The following SORCS3 variants were observed in gnomAD, a reference collection of about 807,000 sequenced individuals.
SORCS3 encodes the protein sortilin related VPS10 domain containing receptor 3.
A neutral mutation model predicts 146.3 loss-of-function variants in SORCS3; 57 were observed. That is an observed-to-expected ratio of 0.39 (90% CI 0.31 to 0.49). The LOEUF (loss-of-function observed/expected upper bound fraction) is 0.49. Among genes scored for constraint, SORCS3 ranks in the 20% least tolerant of loss-of-function variants. The pLI is 0.92. For missense variants in SORCS3, 1,341 were observed against 1,575.5 expected, an observed-to-expected ratio of 0.85 and a Z score of 2.52; for synonymous variants, 653 against 618.5, an observed-to-expected ratio of 1.06 and a Z score of -0.83.
chr10:104,897,937 T>C (rs1174257792), intron 2 of SORCS3, among the ~76,000 whole-genome samples: 1 of 152,240 alleles, frequency 6.6e-6, no homozygotes, highest in Non-Finnish European at 1.5e-5. Context: ...TCCAGCTCAT[T>C]CATTCTAGTG....
chr10:104,860,904 A>G (rs1032344143), intron 2 of SORCS3, among the ~76,000 whole-genome samples: 2 of 152,110 alleles, frequency 1.3e-5, no homozygotes, highest in African/African-American at 4.8e-5. Flanking sequence ...CTTCAGTTGG[A>G]GGTTGTCACT....
intron 4 of SORCS3, among the ~76,000 whole-genome samples, chr10:104,981,485 C>T (rs2054931216): frequency 6.6e-6 from 1 of 152,194 alleles, no homozygotes; most frequent in African/African-American, 2.4e-5. Flanking sequence ...GTAGGATTCT[C>T]TTTTGTTTCC....
At chr10:105,177,952 T>A in intron 13 of SORCS3, 114 bp from the exon 14 acceptor site, 1 of 721,834 alleles carries the variant, frequency 1.4e-6, no homozygotes. Flanking sequence ...CTATTGATAA[T>A]CCACACTGCC....
chr10:105,114,281 A>G (rs1272113903), intron 7 of SORCS3, among the ~76,000 whole-genome samples: 9 of 152,148 alleles, frequency 5.9e-5, no homozygotes, highest in Non-Finnish European at 1.0e-4. Flanking sequence ...CAAGTCTTCA[A>G]AAATTTAAAA....
intron 1 of SORCS3, among the ~76,000 whole-genome samples, chr10:104,771,853 A>G (rs1390566824): frequency 6.6e-6 from 1 of 151,622 alleles, no homozygotes; most frequent in Non-Finnish European, 1.5e-5. Context: ...GAGTTGACCA[A>G]GGCTGACTCC....
chr10:104,642,022 G>GGCCC, intron 1 of SORCS3, 68 bp downstream of exon 1: 2 of 173,336 alleles, frequency 1.2e-5, no homozygotes, highest in South Asian at 4.4e-5. Context: ...GGGTGGGTGG[G>GGCCC]AGCGAGGGAC....
chr10:105,244,274 A>AAAT (rs2056853072), intron 20 of SORCS3, among the ~76,000 whole-genome samples: 1 of 150,544 alleles, frequency 6.6e-6, no homozygotes, highest in African/African-American at 2.4e-5. Flanking sequence ...AGGAAAAAAA[A>AAAT]ATATATATAT....
At chr10:104,704,968 A>C (rs2016319434) in intron 1 of SORCS3, among the ~76,000 whole-genome samples, 1 of 152,002 alleles carries the variant, frequency 6.6e-6, no homozygotes, top group South Asian at 2.1e-4. Flanking sequence ...CTCCTCCACC[A>C]CAAGTCTGGT....
At chr10:105,050,388 C>T (rs1265628628) in intron 5 of SORCS3, among the ~76,000 whole-genome samples, 1 of 152,076 alleles carries the variant, frequency 6.6e-6, no homozygotes, top group Non-Finnish European at 1.5e-5. Context: ...TTGCTCAAAG[C>T]AAGCTACCAT....
chr10:104,835,446 A>G (rs774187230), intron 1 of SORCS3, among the ~76,000 whole-genome samples: 1 of 152,180 alleles, frequency 6.6e-6, no homozygotes, highest in African/African-American at 2.4e-5. Context: ...AGAGAGCCCC[A>G]TGGATTTAAA....
At chr10:105,000,171 T>G (rs570039490) in intron 4 of SORCS3, among the ~76,000 whole-genome samples, 1 of 152,230 alleles carries the variant, frequency 6.6e-6, no homozygotes, top group South Asian at 2.1e-4. Context: ...ATATTTAGGG[T>G]ACAGAAGAAA....
chr10:105,091,281 T>C (rs1323192709), intron 6 of SORCS3, among the ~76,000 whole-genome samples: 2 of 87,488 alleles, frequency 2.3e-5, no homozygotes, highest in Admixed American at 2.2e-4. Context: ...CCTTCCTTCC[T>C]TGCTTCCTTC....
chr10:104,852,092 T>A (rs796273562), intron 2 of SORCS3, among the ~76,000 whole-genome samples: 1 of 152,204 alleles, frequency 6.6e-6, no homozygotes, highest in Non-Finnish European at 1.5e-5. Flanking sequence ...TGTAAAAGAT[T>A]CCCCCCTTCA....
At position 104,977,414 on chromosome 10, in the gene SORCS3, G is replaced by T; in HGVS notation, c.875G>T (p.Arg292Leu). The T allele has an allele frequency of 6.2e-7, 1 of 1,613,744 alleles. No homozygotes were observed. Among genetic ancestry groups the T allele is most frequent in the Non-Finnish European group, 8.5e-7 (1 of 1,179,864 alleles). ...SDEGATYQKY[R>L]LTFYIQSLLF... ...GAAGGGGCGACCTATCAGAAGTATC[G>T]GCTCACCTTCTATATCCAGAGCCTG... The change falls in exon 4 of 27, where the codon CGG becomes CTG. Residue 292 changes from arginine to leucine, a missense_variant. Coordinates refer to ENST00000369701, the MANE Select transcript of SORCS3 (RefSeq NM_014978.3).
At chr10:105,119,331 G>A (rs1421020184) in intron 7 of SORCS3, among the ~76,000 whole-genome samples, 1 of 152,206 alleles carries the variant, frequency 6.6e-6, no homozygotes, top group Non-Finnish European at 1.5e-5. Context: ...TGTCCAGGCA[G>A]AGTTGTGCTG....
chr10:104,882,514 G>A (rs2018641470), intron 2 of SORCS3, among the ~76,000 whole-genome samples: 1 of 152,090 alleles, frequency 6.6e-6, no homozygotes, highest in South Asian at 2.1e-4. Context: ...TTTGTGCTGG[G>A]GAAGGAGCAT....
intron 20 of SORCS3, 51 bp downstream of exon 20, chr10:105,223,300 A>G (rs1045797542): frequency 6.6e-7 from 1 of 1,522,462 alleles, no homozygotes; most frequent in South Asian, 1.3e-5. Flanking sequence ...GAATGCTCCT[A>G]TGTTCCAGCT....
chr10:104,894,637 C>A (rs1237106042), intron 2 of SORCS3, among the ~76,000 whole-genome samples: 4 of 152,142 alleles, frequency 2.6e-5, no homozygotes, highest in Non-Finnish European at 5.9e-5. Context: ...AAGAAGGACC[C>A]ATGCACGAGG....
At chr10:104,871,769 T>G (rs932277880) in intron 2 of SORCS3, among the ~76,000 whole-genome samples, 3 of 152,152 alleles carry the variant, frequency 2.0e-5, no homozygotes, top group Non-Finnish European at 4.4e-5. Flanking sequence ...AACTTAAAGG[T>G]GATCTTGTTT....
Sources: allele counts gnomAD v4.1 joint callset (sites outside exome capture counted in the v4.1 genomes callset), GRCh38; gene constraint gnomAD v4.1.1; transcripts MANE v1.5; gene names NCBI Gene and HGNC (gene_info 2026-07-23, HGNC 2026-07-21).